WDR27: variants seen among roughly 807,000 people sequenced by gnomAD.
WDR27 encodes the protein WD repeat domain 27.
A neutral mutation model predicts 114.4 loss-of-function variants in WDR27; 100 were observed. The ratio of observed to expected loss-of-function variants is 0.87; its 90% confidence interval spans 0.74 to 1.03. WDR27 has a LOEUF of 1.03. Ranked by LOEUF, WDR27 falls within the 50% of genes least tolerant of loss-of-function variation. WDR27 has a pLI of 0.00. For missense variants in WDR27, 1,129 were observed against 1,092.9 expected, an observed-to-expected ratio of 1.03 and a Z score of -0.47; for synonymous variants, 449 against 423.1, an observed-to-expected ratio of 1.06 and a Z score of -0.75.
intron 25 of WDR27, among the ~76,000 whole-genome samples, chr6:169,500,849 A>G (rs1414599216): frequency 6.6e-6 from 1 of 152,224 alleles, no homozygotes; most frequent in Non-Finnish European, 1.5e-5. Flanking sequence ...AGCTCCAAAC[A>G]GCCACGCGAG....
chr6:169,431,423 C>T, the WDR27 span, among the ~76,000 whole-genome samples: 1 of 152,154 alleles, frequency 6.6e-6, no homozygotes, highest in African/African-American at 2.4e-5. Context: ...ACACTTAGGG[C>T]TCTTTAGCCC....
rs79153782 is a variant in WDR27 at position 169,603,586 on chromosome 6, A to C, written c.2322-1265T>G. Among the ~76,000 whole-genome samples the C allele has an allele frequency of 0.021, 3,250 of 152,276 alleles. 300 individuals are homozygous for C. The East Asian group carries it at 0.23, about 11-fold the overall frequency. On this transcript the variant is annotated intron_variant, in intron 22 of 25. Coordinates refer to ENST00000448612, the MANE Select transcript of WDR27 (RefSeq NM_182552.5). ...ATATTATGCAGCTTTATATCCTGCTATGTCTACCCCAGAATACACCATGAA... is the reference window on the plus strand; with the variant it reads ...ATATTATGCAGCTTTATATCCTGCTCTGTCTACCCCAGAATACACCATGAA...
chr6:169,452,459 G>GT (rs1784188679), downstream of WDR27, among the ~76,000 whole-genome samples: 1 of 152,268 alleles, frequency 6.6e-6, no homozygotes, highest in African/African-American at 2.4e-5. Flanking sequence ...AACGGCTGCA[G>GT]TGAGAGCAGC....
At chr6:169,458,395 C>G (rs1480701861) in intron 25 of WDR27, among the ~76,000 whole-genome samples, 1 of 152,172 alleles carries the variant, frequency 6.6e-6, no homozygotes, top group African/African-American at 2.4e-5. Flanking sequence ...CCCCTTTCCT[C>G]CAGGAGAAGC....
chr6:169,575,418 ATCCATCCACCCAC>A lies in WDR27; in HGVS notation c.2524-2891_2524-2879del, dbSNP rs1210446280. 7.8e-4 allele frequency among the ~76,000 whole-genome samples: 29 copies of A among 37,234 alleles called. 1 individual carries two copies. In the East Asian group the frequency reaches 0.018, roughly 23 times the overall value. The allele number at this position is 37,234 out of a possible 152,430, so 24.4% of individuals were successfully genotyped here. On this transcript the variant is annotated intron_variant, in intron 24 of 25. Transcript: ENST00000448612. ...CATCCATCCATCCATCCATCCATCC[ATCCATCCACCCAC>A]CATCACCTACTGATTCCGTTTCTCT...
intron 1 of WDR27, among the ~76,000 whole-genome samples, chr6:169,698,406 C>T (rs1031135917): frequency 6.6e-6 from 1 of 151,956 alleles, no homozygotes; most frequent in Non-Finnish European, 1.5e-5. Context: ...AGGGACACAC[C>T]GACACACACA....
intron 1 of WDR27, among the ~76,000 whole-genome samples, chr6:169,699,807 C>A (rs1202845115): frequency 1.3e-5 from 2 of 151,900 alleles, no homozygotes; most frequent in Non-Finnish European, 2.9e-5. Context: ...CATAGTGAGA[C>A]CCTGTCTCTA....
intron 4 of WDR27, chr6:169,670,256 G>C: frequency 4.6e-6 from 1 of 219,054 alleles, no homozygotes; most frequent in South Asian, 9.8e-5. Flanking sequence ...AAAGCGCTAT[G>C]CTAGGAAGGA....
intron 4 of WDR27, chr6:169,670,298 T>C (rs1054314199): frequency 1.4e-5 from 4 of 285,208 alleles, no homozygotes; most frequent in African/African-American, 2.2e-5. Flanking sequence ...TGAGAAATAA[T>C]AGTTTTGCAG....
At chr6:169,634,661 G>A (rs1445757234) in intron 19 of WDR27, 136 bp from the exon 20 acceptor site, 2 of 563,388 alleles carry the variant, frequency 3.5e-6, no homozygotes, top group East Asian at 3.3e-5. Flanking sequence ...ATACTGAGGG[G>A]AAAAGTGAAT....
At chr6:169,446,452 G>A in the WDR27 span, among the ~76,000 whole-genome samples, 1 of 152,092 alleles carries the variant, frequency 6.6e-6, no homozygotes, top group African/African-American at 2.4e-5. Flanking sequence ...TCTGTGGTGT[G>A]GTCCAGGACT....
the WDR27 span, among the ~76,000 whole-genome samples, chr6:169,429,430 C>CTTT: frequency 4.9e-3 from 702 of 142,238 alleles, 7 homozygotes; most frequent in Non-Finnish European, 7.9e-3. Flanking sequence ...AGACTGAGTC[C>CTTT]TTTTTTTTTT....
the WDR27 span, among the ~76,000 whole-genome samples, chr6:169,451,289 G>A: frequency 6.6e-6 from 1 of 152,278 alleles, no homozygotes; most frequent in African/African-American, 2.4e-5. Context: ...CCCCCTGCGC[G>A]CTTTGACTTG....
the WDR27 span, among the ~76,000 whole-genome samples, chr6:169,450,385 T>C: frequency 8.5e-5 from 13 of 152,218 alleles, no homozygotes; most frequent in African/African-American, 3.1e-4. Context: ...TGGAACTCAG[T>C]GGCTGCTCTA....
chr6:169,482,066 G>T (rs558910526), intron 25 of WDR27, among the ~76,000 whole-genome samples: 2 of 152,328 alleles, frequency 1.3e-5, no homozygotes, highest in Non-Finnish European at 2.9e-5. Context: ...TTCTGTTCCT[G>T]CATCAGTTTG....
chr6:169,443,562 C>G, the WDR27 span, among the ~76,000 whole-genome samples: 14 of 152,126 alleles, frequency 9.2e-5, no homozygotes, highest in African/African-American at 3.1e-4. Context: ...AACAGGAAGT[C>G]CATGCCAGAG....
intron 25 of WDR27, among the ~76,000 whole-genome samples, chr6:169,481,525 T>G (rs998209801): frequency 2.0e-5 from 3 of 152,108 alleles, no homozygotes; most frequent in Non-Finnish European, 4.4e-5. Flanking sequence ...CTCTTCGGGT[T>G]CGTGGCGCCT....
chr6:169,510,166 C>G (rs1019529617), intron 25 of WDR27, among the ~76,000 whole-genome samples: 1 of 152,150 alleles, frequency 6.6e-6, no homozygotes, highest in African/African-American at 2.4e-5. Flanking sequence ...AATAGGAACA[C>G]TTTTACACTG....
intron 24 of WDR27, among the ~76,000 whole-genome samples, chr6:169,579,574 T>C (rs1803024141): frequency 6.6e-6 from 1 of 152,192 alleles, no homozygotes; most frequent in African/African-American, 2.4e-5. Context: ...TTACTCATTA[T>C]GCACTAATTA....
Sources: gnomAD v4.1 joint callset for allele counts (sites outside exome capture counted in the v4.1 genomes callset) on GRCh38, gnomAD v4.1.1 for gene constraint, MANE v1.5 for transcripts, NCBI Gene and HGNC (gene_info 2026-07-23, HGNC 2026-07-21) for gene names.